PZP: variants seen among roughly 807,000 people sequenced by gnomAD.
The protein encoded by PZP is PZP alpha-2-macroglobulin like, also known as pregnancy zone protein.
In PZP, 150 loss-of-function variants were observed where a neutral mutation model predicts 179.8. That is an observed-to-expected ratio of 0.83 (90% CI 0.73 to 0.96). The LOEUF is 0.96. Ranked by LOEUF, PZP falls within the 40% of genes least tolerant of loss-of-function variation. PZP has a pLI of 0.00. For missense variants in PZP, 1,689 were observed against 1,764.0 expected (o/e 0.96, Z 0.76); for synonymous variants, 624 against 652.3 (o/e 0.96, Z 0.66).
Position 9,150,641 on chromosome 12 carries a change from C to T in PZP, c.4384+3G>A, listed in dbSNP as rs1318704011. 3.2e-6 allele frequency: 5 copies of T among 1,579,878 alleles called. 1 individual carries two copies. Among genetic ancestry groups the T allele is most frequent in the Non-Finnish European group, 4.3e-6 (5 of 1,152,862 alleles). ...AAGATTGTTTCATTTTTCTTTCACT[C>T]ACCTGTCTCATAGTAATCATAGACT... On this transcript the variant is annotated splice_donor_region_variant and intron_variant, in intron 34 of 35. Coordinates refer to ENST00000261336, the MANE Select transcript of PZP (RefSeq NM_002864.3).
intron 15 of PZP, among the ~76,000 whole-genome samples, chr12:9,177,128 A>G (rs1942421578): frequency 6.6e-6 from 1 of 152,222 alleles, no homozygotes; most frequent in African/African-American, 2.4e-5. Flanking sequence ...CGCACAATGA[A>G]TAGGGTTGAC....
intron 27 of PZP, 108 bp from the exon 28 acceptor site, chr12:9,157,463 G>A (rs1940847550): frequency 9.7e-7 from 1 of 1,033,314 alleles, no homozygotes; most frequent in South Asian, 1.6e-5. Context: ...CAGACAGATA[G>A]GCAGACAGCT....
chr12:9,141,779 T>C, the PZP span, among the ~76,000 whole-genome samples: 2 of 152,310 alleles, frequency 1.3e-5, no homozygotes, highest in South Asian at 4.1e-4. Context: ...CAACCTTTAC[T>C]TTTGTTGGTA....
intron 22 of PZP, 71 bp downstream of exon 22, chr12:9,162,526 T>C: frequency 9.8e-7 from 1 of 1,017,634 alleles, no homozygotes; most frequent in Non-Finnish European, 1.5e-6. Context: ...AAAATGAATG[T>C]GCATTGTAAC....
chr12:9,155,436 G>A (rs1263925173), intron 28 of PZP, among the ~76,000 whole-genome samples: 1 of 152,020 alleles, frequency 6.6e-6, no homozygotes, highest in Non-Finnish European at 1.5e-5. Flanking sequence ...GTTCTTTCCT[G>A]CTAATTCAAC....
chr12:9,172,497 T>A (rs1436002330), intron 15 of PZP, among the ~76,000 whole-genome samples: 1 of 152,040 alleles, frequency 6.6e-6, no homozygotes, highest in Non-Finnish European at 1.5e-5. Flanking sequence ...TAACCTTAAA[T>A]GTAAATGGGC....
At chr12:9,138,314 A>G in the PZP span, among the ~76,000 whole-genome samples, 1 of 151,964 alleles carries the variant, frequency 6.6e-6, no homozygotes, top group Admixed American at 6.6e-5. Context: ...TGTGGTACAA[A>G]TTTATACATA....
intron 7 of PZP, among the ~76,000 whole-genome samples, chr12:9,198,540 T>C (rs1943970197): frequency 6.6e-6 from 1 of 151,752 alleles, no homozygotes; most frequent in South Asian, 2.1e-4. Flanking sequence ...CTGACACACA[T>C]GCACAGAGAA....
downstream of PZP, among the ~76,000 whole-genome samples, chr12:9,147,084 AGATGTC>A (rs1270454033): frequency 6.6e-6 from 1 of 152,192 alleles, no homozygotes; most frequent in Non-Finnish European, 1.5e-5. Flanking sequence ...CTGGCAAGGC[AGATGTC>A]AGTTGTTTGG....
chr12:9,204,423 A>G (rs1944345737), intron 1 of PZP, among the ~76,000 whole-genome samples: 1 of 152,244 alleles, frequency 6.6e-6, no homozygotes, highest in African/African-American at 2.4e-5. Flanking sequence ...GACTAGATTT[A>G]CAGAAATTCA....
chr12:9,196,827 T>C (rs1943802642), intron 8 of PZP, 142 bp from the exon 9 acceptor site: 2 of 796,596 alleles, frequency 2.5e-6, no homozygotes, highest in African/African-American at 1.7e-5. Context: ...AATACTCATA[T>C]CTGCTTTGTA....
At chr12:9,184,325 C>T (rs1942964788) in intron 13 of PZP, among the ~76,000 whole-genome samples, 1 of 152,178 alleles carries the variant, frequency 6.6e-6, no homozygotes, top group Non-Finnish European at 1.5e-5. Context: ...CACAAACCCA[C>T]CCCTAGCCAT....
chr12:9,139,607 T>A, the PZP span, among the ~76,000 whole-genome samples: 1 of 152,224 alleles, frequency 6.6e-6, no homozygotes, highest in African/African-American at 2.4e-5. Flanking sequence ...ATTTAGGTGT[T>A]CTACTGTTGG....
At chr12:9,151,138 A>G (rs1684521653) in intron 33 of PZP, among the ~76,000 whole-genome samples, 1 of 152,182 alleles carries the variant, frequency 6.6e-6, no homozygotes, top group African/African-American at 2.4e-5. Flanking sequence ...AATATTCATA[A>G]AATCCTCATT....
At chr12:9,206,361 A>G (rs1944440412) in intron 1 of PZP, among the ~76,000 whole-genome samples, 1 of 152,136 alleles carries the variant, frequency 6.6e-6, no homozygotes. Flanking sequence ...GAACTATTTT[A>G]TATGAGTTCA....
chr12:9,164,377 T>C, intron 19 of PZP, 118 bp from the exon 20 acceptor site: 1 of 1,098,598 alleles, frequency 9.1e-7, no homozygotes, highest in Non-Finnish European at 1.3e-6. Context: ...GAAAAATGTA[T>C]GTCACATAGA....
At chr12:9,169,745 T>G (rs1284881028) in intron 15 of PZP, 154 bp from the exon 16 acceptor site, 1 of 641,974 alleles carries the variant, frequency 1.6e-6, no homozygotes, top group African/African-American at 1.9e-5. Flanking sequence ...TCCTTATATT[T>G]AACAGTGTTG....
chr12:9,181,978 G>A lies in PZP; in HGVS notation c.1686C>T (p.Asn562=). The part of the protein sequence containing the change: ...EKFEIENCLA[N]KVDLSFSPAQ... ...AATTTTATGTTAAATCGCTCACCTT[G>A]TTGGCTAGACAGTTTTCAATCTCAA... The change falls in exon 14 of 36, where the codon AAC becomes AAT. Residue 562 remains asparagine, a synonymous_variant. Coordinates refer to ENST00000261336, the MANE Select transcript of PZP (RefSeq NM_002864.3). The A allele has an allele frequency of 6.2e-7, 1 of 1,612,972 alleles. No individual in the cohort carries two copies. The highest frequency in any genetic ancestry group is 2.2e-5 in the East Asian group (1 of 44,838).
intron 15 of PZP, among the ~76,000 whole-genome samples, chr12:9,178,582 T>G (rs1285309517): frequency 6.6e-6 from 1 of 152,240 alleles, no homozygotes; most frequent in Non-Finnish European, 1.5e-5. Context: ...GAACGAATCT[T>G]CTATCTATCA....
Sources: allele counts gnomAD v4.1 joint callset (sites outside exome capture counted in the v4.1 genomes callset), GRCh38; gene constraint gnomAD v4.1.1; transcripts MANE v1.5; gene names NCBI Gene and HGNC (gene_info 2026-07-23, HGNC 2026-07-21).